The following GHR variants were observed in gnomAD, a reference collection of about 807,000 sequenced individuals.
The protein encoded by GHR is GH receptor.
In GHR, 35 loss-of-function variants were observed where a neutral mutation model predicts 67.1. That is an observed-to-expected ratio of 0.52 (90% CI 0.40 to 0.69). The LOEUF (loss-of-function observed/expected upper bound fraction) is 0.69. GHR is among the 30% of genes least tolerant of loss of function. The pLI is 0.00. For synonymous variants in GHR, 272 were observed against 269.1 expected (o/e 1.01, Z -0.10); for missense variants, 792 against 764.6 (o/e 1.04, Z -0.42).
intron 2 of GHR, among the ~76,000 whole-genome samples, chr5:42,620,137 A>T (rs574085427): frequency 3.3e-5 from 5 of 152,218 alleles, no homozygotes; most frequent in African/African-American, 1.2e-4. Context: ...AAATATGTTG[A>T]CTTTGCCTCA....
chr5:42,577,115 T>C (rs1412219510), intron 2 of GHR, among the ~76,000 whole-genome samples: 2 of 152,186 alleles, frequency 1.3e-5, no homozygotes, highest in African/African-American at 4.8e-5. Context: ...AGTTAAAACG[T>C]GGGTGTGCAG....
chr5:42,542,408 A>G (rs1476896649), intron 1 of GHR, among the ~76,000 whole-genome samples: 1 of 152,204 alleles, frequency 6.6e-6, no homozygotes, highest in African/African-American at 2.4e-5. Context: ...AATAAGTTTA[A>G]GAAATTGGGC....
chr5:42,523,897 CT>C, intron 1 of GHR, among the ~76,000 whole-genome samples: 1 of 152,258 alleles, frequency 6.6e-6, no homozygotes, highest in Middle Eastern at 3.4e-3. Flanking sequence ...GGGGTTTCCA[CT>C]TTTGCTTCTT....
chr5:42,470,534 G>A (rs1744968654), intron 1 of GHR, among the ~76,000 whole-genome samples: 1 of 152,052 alleles, frequency 6.6e-6, no homozygotes, highest in Middle Eastern at 3.2e-3. Context: ...TGTGTCCAAT[G>A]CTTGCTTCGT....
chr5:42,506,479 A>T (rs1033262502), intron 1 of GHR, among the ~76,000 whole-genome samples: 1 of 152,222 alleles, frequency 6.6e-6, no homozygotes, highest in African/African-American at 2.4e-5. Context: ...ACTTCTTGGG[A>T]GCAAAAAATT....
intron 6 of GHR, among the ~76,000 whole-genome samples, chr5:42,700,274 AT>A (rs2111742473): frequency 1.3e-5 from 2 of 152,326 alleles, no homozygotes; most frequent in African/African-American, 4.8e-5. Flanking sequence ...TTAGAGCAAA[AT>A]TATAGACTGG....
chr5:42,425,142 C>A, intron 1 of GHR: 1 of 439,820 alleles, frequency 2.3e-6, no homozygotes, highest in Non-Finnish European at 3.0e-6. Flanking sequence ...TGGCTGAGGA[C>A]TGGAAGTGAG....
intron 1 of GHR, among the ~76,000 whole-genome samples, chr5:42,565,194 G>A (rs1749856069): frequency 6.6e-6 from 1 of 152,152 alleles, no homozygotes; most frequent in Admixed American, 6.5e-5. Flanking sequence ...TGTCTGAGGT[G>A]TTCACATTCC....
chr5:42,553,601 T>C (rs938312913), intron 1 of GHR, among the ~76,000 whole-genome samples: 1 of 152,224 alleles, frequency 6.6e-6, no homozygotes, highest in Non-Finnish European at 1.5e-5. Flanking sequence ...GTGCAGATAA[T>C]CCAAGATAAT....
chr5:42,659,849 C>A (rs1176102124), intron 3 of GHR, among the ~76,000 whole-genome samples: 52 of 152,250 alleles, frequency 3.4e-4, no homozygotes, highest in Non-Finnish European at 4.4e-5. Context: ...AGTTCCCTTT[C>A]CGAGTCAAAG....
intron 1 of GHR, among the ~76,000 whole-genome samples, chr5:42,532,395 A>T (rs967592697): frequency 6.6e-6 from 1 of 151,606 alleles, no homozygotes; most frequent in East Asian, 1.9e-4. Flanking sequence ...TTTAGCATAC[A>T]AAGGAGGCTA....
At chr5:42,477,029 C>A (rs1317374549) in intron 1 of GHR, among the ~76,000 whole-genome samples, 3 of 112,184 alleles carry the variant, frequency 2.7e-5, no homozygotes, top group African/African-American at 6.8e-5. Flanking sequence ...CTATCCCTCC[C>A]CCCTCCCCCC....
chr5:42,585,618 A>G (rs767778241), intron 2 of GHR, among the ~76,000 whole-genome samples: 3 of 152,240 alleles, frequency 2.0e-5, no homozygotes, highest in South Asian at 4.1e-4. Flanking sequence ...TATTTTTGTC[A>G]TAGATTACTT....
rs547925328 is a variant in GHR, at chr5:42,476,017, G to A, written c.-12+52062G>A. On this transcript the variant is annotated intron_variant, in intron 1 of 9. Coordinates refer to ENST00000230882, the MANE Select transcript of GHR (RefSeq NM_000163.5). ...CCTCCCAGGCTCACGCCATTCTCCT[G>A]CCTCAGCCTCCCGAGTAGCTGGAAC... is the stretch of plus-strand genomic sequence containing the variant. 1.9e-4 allele frequency among the ~76,000 whole-genome samples: 28 copies of A among 150,270 alleles called. No homozygotes were observed. In the South Asian group the frequency reaches 5.3e-3, roughly 28 times the overall value.
chr5:42,647,661 A>G (rs750299197), intron 3 of GHR: 10 of 453,506 alleles, frequency 2.2e-5, no homozygotes, highest in South Asian at 1.6e-4. Flanking sequence ...GGAGTCTTAC[A>G]TGCAAGCCTA....
chr5:42,467,453 A>G (rs762691191), intron 1 of GHR: 34 of 972,600 alleles, frequency 3.5e-5, no homozygotes, highest in Admixed American at 1.1e-4. Flanking sequence ...GTTTTCCGAC[A>G]CTCATTACAT....
chr5:42,467,077 T>C, intron 1 of GHR: 2 of 1,584,596 alleles, frequency 1.3e-6, no homozygotes, highest in Non-Finnish European at 1.7e-6. Context: ...ATGGATTCTC[T>C]GATGAATAAG....
intron 3 of GHR, among the ~76,000 whole-genome samples, chr5:42,670,657 A>G (rs180842453): frequency 6.6e-6 from 1 of 151,946 alleles, no homozygotes; most frequent in Admixed American, 6.6e-5. Flanking sequence ...GGTACAAGGA[A>G]ATCAAACTAC....
chr5:42,712,274 A>G (rs1036938393), intron 7 of GHR, among the ~76,000 whole-genome samples: 25 of 152,142 alleles, frequency 1.6e-4, no homozygotes, highest in Non-Finnish European at 3.7e-4. Flanking sequence ...TCTATACTCT[A>G]GTTAACTGAA....
Sources: allele counts gnomAD v4.1 joint callset (sites outside exome capture counted in the v4.1 genomes callset), GRCh38; gene constraint gnomAD v4.1.1; transcripts MANE v1.5; gene names NCBI Gene and HGNC (gene_info 2026-07-23, HGNC 2026-07-21).